The following CORIN variants were observed in gnomAD, a reference collection of about 807,000 sequenced individuals.
CORIN encodes corin, serine peptidase.
A neutral mutation model predicts 125.3 loss-of-function variants in CORIN; 117 were observed. The ratio of observed to expected loss-of-function variants is 0.93; its 90% confidence interval spans 0.80 to 1.09. The LOEUF (loss-of-function observed/expected upper bound fraction) is 1.09. Among genes scored for constraint, CORIN ranks in the 50% least tolerant of loss-of-function variants. The pLI, the probability that CORIN is intolerant of heterozygous loss-of-function variation, is 0.00. For synonymous variants in CORIN, 450 were observed against 466.4 expected (o/e 0.96, Z 0.45); for missense variants, 1,253 against 1,306.7 (o/e 0.96, Z 0.63).
intron 19 of CORIN, among the ~76,000 whole-genome samples, chr4:47,619,893 T>C (rs1722236371): frequency 6.6e-6 from 1 of 152,244 alleles, no homozygotes; most frequent in Admixed American, 6.5e-5. Flanking sequence ...GCAAAAGACA[T>C]CTGGAAACAT....
chr4:47,615,560 A>G (rs1194824403), intron 19 of CORIN, among the ~76,000 whole-genome samples: 1 of 152,234 alleles, frequency 6.6e-6, no homozygotes, highest in African/African-American at 2.4e-5. Flanking sequence ...CAATATGACT[A>G]ATCCACATCC....
rs115618408 is a variant in CORIN at position 47,824,985 on chromosome 4, C to T, written c.63+12902G>A. Among the ~76,000 whole-genome samples the T allele has an allele frequency of 5.6e-3, 855 of 152,304 alleles. 5 individuals carry two copies. Among genetic ancestry groups the T allele is most frequent in the African/African-American group, 0.019 (803 of 41,558 alleles). ...TAACCTGGTGTTATCTGCTTACAGACTTTCCACCAGGGCAGCCGCAGGTCC... is the reference window on the plus strand; with the variant it reads ...TAACCTGGTGTTATCTGCTTACAGATTTTCCACCAGGGCAGCCGCAGGTCC... On this transcript the variant is annotated intron_variant, in intron 1 of 21. Coordinates refer to ENST00000273857, the MANE Select transcript of CORIN (RefSeq NM_006587.4).
In CORIN at chr4:47,666,020, C is replaced by A. The variant is rs1219350954; in HGVS notation, c.1358-757G>T. Among the ~76,000 whole-genome samples the A allele has an allele frequency of 2.6e-5, 4 of 152,186 alleles. No individual in the cohort carries two copies. The East Asian group carries it at 7.7e-4, about 29-fold the overall frequency. On this transcript the variant is annotated intron_variant, in intron 10 of 21. Coordinates refer to ENST00000273857, the MANE Select transcript of CORIN (RefSeq NM_006587.4). Reference sequence around the variant, plus strand: ...TTATAACATGCTCATAATTATCTCCCCAAAGGTGGTCATGGTTCTAGCTGC... The same window carrying A: ...TTATAACATGCTCATAATTATCTCCACAAAGGTGGTCATGGTTCTAGCTGC...
intron 3 of CORIN, among the ~76,000 whole-genome samples, chr4:47,770,683 AT>A (rs778999056): frequency 9.7e-4 from 148 of 152,312 alleles, no homozygotes; most frequent in Non-Finnish European, 1.4e-3. Flanking sequence ...ACAATGAAAT[AT>A]GATTTGGCCT....
At chr4:47,834,964 C>G (rs865916213) in intron 1 of CORIN, among the ~76,000 whole-genome samples, 1 of 152,156 alleles carries the variant, frequency 6.6e-6, no homozygotes, top group African/African-American at 2.4e-5. Context: ...CAGAGCCTTG[C>G]GGTTCTTAAG....
chr4:47,828,943 G>A (rs892367182), intron 1 of CORIN, among the ~76,000 whole-genome samples: 1 of 151,946 alleles, frequency 6.6e-6, no homozygotes, highest in African/African-American at 2.4e-5. Flanking sequence ...CGGATCACGA[G>A]GTCAGGAGAT....
rs542258155 is a variant in CORIN, at chr4:47,721,467, C to T, written c.799+22935G>A. On this transcript the variant is annotated intron_variant, in intron 5 of 21. Transcript: ENST00000273857. ...TATTTTTAGAAGAGATGGGGTTTTG[C>T]CATGTTGGCCAGGCTGGTCTCGAAC... 5.3e-5 allele frequency among the ~76,000 whole-genome samples: 8 copies of T among 152,260 alleles called. No individual in the cohort carries two copies. The East Asian group carries it at 1.5e-3, about 29-fold the overall frequency.
rs1491052845 is a variant in CORIN at position 47,767,371 on chromosome 4, AAG to A, written c.410-3787_410-3786del. Among the ~76,000 whole-genome samples, 950 of 148,566 alleles carry A rather than the reference AAG, an allele frequency of 6.4e-3. 6 individuals carry two copies. Among genetic ancestry groups the A allele is most frequent in the South Asian group, 0.023 (109 of 4,648 alleles). Reference sequence around the variant, plus strand: ...ATTACCACCATTAAAAAGAAAAAAAAAGAAAAATATTCATCTATCTCTAAAGA... The same window carrying A: ...ATTACCACCATTAAAAAGAAAAAAAAAAAAATATTCATCTATCTCTAAAGA... On this transcript the variant is annotated intron_variant, in intron 3 of 21. Transcript: ENST00000273857.
intron 19 of CORIN, 82 bp from the exon 20 acceptor site, chr4:47,603,750 A>G: frequency 6.8e-7 from 1 of 1,466,910 alleles, no homozygotes; most frequent in South Asian, 1.4e-5. Context: ...AAAACATTTT[A>G]TTTATGTAAA....
At chr4:47,833,400 A>C (rs1267271701) in intron 1 of CORIN, among the ~76,000 whole-genome samples, 1 of 152,178 alleles carries the variant, frequency 6.6e-6, no homozygotes, top group East Asian at 1.9e-4. Context: ...AATCAAGTTA[A>C]AATGGATTAA....
chr4:47,639,203 A>T (rs776129182), intron 16 of CORIN, among the ~76,000 whole-genome samples: 22 of 152,234 alleles, frequency 1.4e-4, no homozygotes, highest in Non-Finnish European at 3.1e-4. Flanking sequence ...TGAACGGATG[A>T]ATGAATGAGT....
At chr4:47,788,532 T>C (rs191857693) in intron 2 of CORIN, among the ~76,000 whole-genome samples, 12 of 152,360 alleles carry the variant, frequency 7.9e-5, no homozygotes, top group Admixed American at 6.5e-4. Context: ...TTAATTGTTA[T>C]TGATTTTCAA....
chr4:47,825,406 T>C (rs930668326), intron 1 of CORIN, among the ~76,000 whole-genome samples: 1 of 152,224 alleles, frequency 6.6e-6, no homozygotes, highest in Non-Finnish European at 1.5e-5. Context: ...ACATGAATTC[T>C]TGGGTCTCAA....
At chr4:47,834,704 T>C (rs997887715) in intron 1 of CORIN, among the ~76,000 whole-genome samples, 1 of 152,208 alleles carries the variant, frequency 6.6e-6, no homozygotes, top group Non-Finnish European at 1.5e-5. Context: ...GACGGTTTTA[T>C]AGATGTATAC....
intron 6 of CORIN, among the ~76,000 whole-genome samples, chr4:47,687,160 G>T (rs1401135770): frequency 6.6e-6 from 1 of 152,204 alleles, no homozygotes; most frequent in Non-Finnish European, 1.5e-5. Flanking sequence ...AAAATGAGCT[G>T]CATTTGGAAA....
At chr4:47,641,359 T>C (rs1723223992) in intron 16 of CORIN, among the ~76,000 whole-genome samples, 1 of 152,122 alleles carries the variant, frequency 6.6e-6, no homozygotes, top group Non-Finnish European at 1.5e-5. Flanking sequence ...CCAATGGAAT[T>C]GAAAAAGAAA....
chr4:47,746,420 A>G (rs1174123454), intron 4 of CORIN, among the ~76,000 whole-genome samples: 1 of 152,218 alleles, frequency 6.6e-6, no homozygotes, highest in East Asian at 1.9e-4. Flanking sequence ...TCACTGAGGC[A>G]ATGAGAGTCA....
At chr4:47,695,734 C>T (rs548219633) in intron 5 of CORIN, among the ~76,000 whole-genome samples, 2 of 152,242 alleles carry the variant, frequency 1.3e-5, no homozygotes, top group Admixed American at 6.5e-5. Context: ...TTTGTAAAAT[C>T]TTTCTGTTTG....
At chr4:47,742,857 A>G (rs1048542617) in intron 5 of CORIN, among the ~76,000 whole-genome samples, 2 of 152,118 alleles carry the variant, frequency 1.3e-5, no homozygotes, top group African/African-American at 4.8e-5. Flanking sequence ...ATGCTATAAA[A>G]CTATAGTAAT....
Sources: gnomAD v4.1 joint callset for allele counts (sites outside exome capture counted in the v4.1 genomes callset) on GRCh38, gnomAD v4.1.1 for gene constraint, MANE v1.5 for transcripts, NCBI Gene and HGNC (gene_info 2026-07-23, HGNC 2026-07-21) for gene names.